The following CDCP1 variants were observed in gnomAD, a reference collection of about 807,000 sequenced individuals.
CDCP1 encodes the protein CUB domain containing protein 1, also known as CUB domain-containing protein 1.
A neutral mutation model predicts 60.2 loss-of-function variants in CDCP1; 29 were observed. That is an observed-to-expected ratio of 0.48 (90% CI 0.36 to 0.66). The LOEUF (loss-of-function observed/expected upper bound fraction) is 0.66. CDCP1 is among the 30% of genes least tolerant of loss of function. The pLI is 0.00. For synonymous variants in CDCP1, 387 were observed against 431.1 expected (o/e 0.90, Z 1.27); for missense variants, 876 against 1,074.3 (o/e 0.82, Z 2.58).
chr3:45,105,934 C>T (rs575956452), intron 4 of CDCP1, among the ~76,000 whole-genome samples: 1 of 152,280 alleles, frequency 6.6e-6, no homozygotes, highest in African/African-American at 2.4e-5. Flanking sequence ...CTCTCAGACA[C>T]CCGTGGTTTG....
At chr3:45,125,241 T>C (rs2126003288) in intron 1 of CDCP1, among the ~76,000 whole-genome samples, 1 of 152,268 alleles carries the variant, frequency 6.6e-6, no homozygotes, top group South Asian at 2.1e-4. Context: ...AGAGTTTTGT[T>C]TGGGTGGGTA....
chr3:45,109,316 T>C (rs1698648308), intron 4 of CDCP1, among the ~76,000 whole-genome samples: 1 of 152,078 alleles, frequency 6.6e-6, no homozygotes. Flanking sequence ...CAGCACCAGT[T>C]GGGCAATCCC....
chr3:45,122,144 ATTTTTT>A (rs145595755), intron 1 of CDCP1, among the ~76,000 whole-genome samples: 3 of 138,322 alleles, frequency 2.2e-5, no homozygotes, highest in Non-Finnish European at 3.1e-5. Context: ...TATAATCTGT[ATTTTTT>A]TTTTTTTTTT....
rs1480453347 is a variant in CDCP1, at chr3:45,091,187, G to A, written c.1979C>T (p.Thr660Ile). 1.9e-6 allele frequency: 3 copies of A among 1,613,084 alleles called. No homozygotes were observed. The highest frequency in any genetic ancestry group is 1.1e-5 in the South Asian group (1 of 91,058). ...QLDLLFSVTLTPRTVDLTVIL... is the reference protein window; with the variant it reads ...QLDLLFSVTLIPRTVDLTVIL... ...AAGGCCCTTACCCACAGTCCTTGGG[G>A]TAAGTGTCACCGAGAAGAGCAGGTC... The change falls in exon 7 of 9, where the codon ACC becomes ATC. Residue 660 changes from threonine (T) to isoleucine (I), a missense_variant. By Grantham distance (89) the Thr-to-Ile change is moderately conservative. Coordinates refer to ENST00000296129, the MANE Select transcript of CDCP1 (RefSeq NM_022842.5). This position sits in a 1 kb window ranked among gnomAD's most constrained non-coding sequence, Gnocchi z 4.8.
intron 1 of CDCP1, among the ~76,000 whole-genome samples, chr3:45,121,076 TA>T (rs1698875732): frequency 6.6e-6 from 1 of 152,182 alleles, no homozygotes; most frequent in South Asian, 2.1e-4. Context: ...CAACTCCATA[TA>T]AAACTATTAG....
intron 1 of CDCP1, among the ~76,000 whole-genome samples, chr3:45,122,056 G>T (rs1162817520): frequency 6.6e-6 from 1 of 151,772 alleles, no homozygotes; most frequent in East Asian, 1.9e-4. Flanking sequence ...CTTCTCTGTT[G>T]TTTGGCCAGG....
chr3:45,131,041 G>C (rs926974872), intron 1 of CDCP1, among the ~76,000 whole-genome samples: 1 of 151,776 alleles, frequency 6.6e-6, no homozygotes, highest in African/African-American at 2.4e-5. Context: ...TAATTTTTTT[G>C]TTTTCATTTT....
At position 45,093,487 on chromosome 3, in the gene CDCP1, C is replaced by T. The variant is rs370335828; in HGVS notation, c.1417G>A (p.Glu473Lys). 21 of 1,614,094 alleles carry T rather than the reference C, an allele frequency of 1.3e-5. No homozygotes were observed. Among genetic ancestry groups the T allele is most frequent in the Non-Finnish European group, 1.7e-5 (20 of 1,179,928 alleles). The change falls in exon 6 of 9, where the codon GAG (glutamate) becomes AAG (lysine). Residue 473 changes from glutamate to lysine, a missense_variant. Coordinates refer to ENST00000296129, the MANE Select transcript of CDCP1 (RefSeq NM_022842.5). ...PAQKLQQHTHEKPCNTSFSYL... is the reference protein window; with the variant it reads ...PAQKLQQHTHKKPCNTSFSYL... ...CTGAAGCTGGTGTTGCAGGGCTTCT[C>T]GTGTGTATGCTGCTGCAGCTTCTGG...
intron 4 of CDCP1, among the ~76,000 whole-genome samples, chr3:45,103,954 C>T (rs559586114): frequency 1.3e-5 from 2 of 152,290 alleles, no homozygotes; most frequent in South Asian, 2.1e-4. Flanking sequence ...GTAAGTTTAA[C>T]TTCATAAGAA....
rs1210671621 is a variant in CDCP1 at position 45,110,767 on chromosome 3, A to G, written c.730T>C (p.Phe244Leu). The G allele has an allele frequency of 1.2e-6, 2 of 1,614,168 alleles. No homozygotes were observed. Among genetic ancestry groups the G allele is most frequent in the Non-Finnish European group, 8.5e-7 (1 of 1,180,036 alleles). Residue 244 changes from phenylalanine (F) to leucine (L), a missense_variant, in exon 4 of 9, where the codon TTC becomes CTC. This residue lies in a region of CDCP1 where 726 missense variants were observed against 935.7 expected (regional missense o/e 0.78). Transcript: ENST00000296129. ...TLMSANYPEG[F>L]PEDELMTWQF... Reference sequence around the variant, plus strand: ...CACGTCATGAGCTCATCCTCAGGGAAGCCTTCTGGGTAGTTGGCAGACATC... The same window carrying G: ...CACGTCATGAGCTCATCCTCAGGGAGGCCTTCTGGGTAGTTGGCAGACATC...
At chr3:45,135,188 A>C (rs1478683096) in intron 1 of CDCP1, among the ~76,000 whole-genome samples, 14 of 43,756 alleles carry the variant, frequency 3.2e-4, no homozygotes, top group Non-Finnish European at 9.2e-5. Context: ...CAGTGATCTT[A>C]AGATGAATAT....
chr3:45,137,681 A>G (rs1258434405), intron 1 of CDCP1, among the ~76,000 whole-genome samples: 1 of 148,926 alleles, frequency 6.7e-6, no homozygotes, highest in African/African-American at 2.5e-5. Context: ...TTAGCCAGGC[A>G]TGGTGGCACG....
Position 45,095,372 on chromosome 3 carries a change from C to G in CDCP1, c.1221G>C (p.Leu407=), listed in dbSNP as rs755321518. 4 of 1,614,210 alleles carry G rather than the reference C, an allele frequency of 2.5e-6. No homozygotes were observed. The South Asian group carries it at 4.4e-5, about 18-fold the overall frequency. ...ISFLCDDLTR[L]WMNVEKTISC... ...TTATGGTTTTTTCCACATTCATCCA[C>G]AGACGTGTCAGATCATCACAAAGGA... Residue 407 remains leucine (L), a synonymous_variant, in exon 5 of 9, where the codon CTG becomes CTC. Transcript: ENST00000296129.
At chr3:45,092,985 G>A (rs1015342145) in intron 6 of CDCP1, among the ~76,000 whole-genome samples, 4 of 152,120 alleles carry the variant, frequency 2.6e-5, no homozygotes, top group East Asian at 1.9e-4. Flanking sequence ...TCTCATTTAC[G>A]TCCTGCCTGC....
At chr3:45,110,960 G>T in intron 3 of CDCP1, 119 bp from the exon 4 acceptor site, 2 of 1,130,182 alleles carry the variant, frequency 1.8e-6, no homozygotes, top group African/African-American at 1.5e-5. Flanking sequence ...ATCCTGAGCA[G>T]TGGGTCTAGA....
chr3:45,138,322 G>T (rs1214356984), intron 1 of CDCP1, among the ~76,000 whole-genome samples: 1 of 152,180 alleles, frequency 6.6e-6, no homozygotes, highest in East Asian at 1.9e-4. Context: ...CGACTGCACT[G>T]GGACAGTAAC....
chr3:45,082,405 A>C lies in CDCP1; in HGVS notation c.*3233T>G, dbSNP rs1315197503. 6.6e-6 allele frequency: 1 copy of C among 152,206 alleles called. No individual in the cohort carries two copies. The highest frequency in any genetic ancestry group is 1.5e-5 in the Non-Finnish European group (1 of 68,046). The allele number at this position is 152,206 out of a possible 1,614,324, so 9.4% of individuals were successfully genotyped here. On this transcript the variant is annotated 3_prime_UTR_variant, in exon 9 of 9. Transcript: ENST00000296129. The stretch of plus-strand genomic sequence containing the variant: ...GGCTTTCTGTATCATCCACAAATTA[A>C]GACAGCATCTGCTGAGCCCATGCTG...
intron 1 of CDCP1, among the ~76,000 whole-genome samples, chr3:45,142,133 C>T (rs1056104270): frequency 1.3e-5 from 2 of 151,928 alleles, no homozygotes; most frequent in African/African-American, 2.4e-5. Context: ...GCGCCTGGCT[C>T]GGTATAAACT....
At chr3:45,118,356 G>A (rs2126000348) in intron 2 of CDCP1, 56 bp downstream of exon 2, 1 of 1,240,936 alleles carries the variant, frequency 8.1e-7, no homozygotes. Context: ...AGACAGTCAG[G>A]GAGGTGTAGA....
Sources: gnomAD v4.1 joint callset for allele counts (sites outside exome capture counted in the v4.1 genomes callset) on GRCh38, gnomAD v4.1.1 for gene constraint, gnomAD v4.1.1 regional missense constraint, Gnocchi (gnomAD v3.1) non-coding constraint, MANE v1.5 for transcripts, NCBI Gene and HGNC (gene_info 2026-07-23, HGNC 2026-07-21) for gene names.